ANO3: variants seen among roughly 807,000 people sequenced by gnomAD.
ANO3 encodes the protein anoctamin-3.
A neutral mutation model predicts 144.8 loss-of-function variants in ANO3; 99 were observed. That is an observed-to-expected ratio of 0.68 (90% CI 0.58 to 0.81). The LOEUF (loss-of-function observed/expected upper bound fraction) is 0.81. Among genes scored for constraint, ANO3 ranks in the 30% least tolerant of loss-of-function variants. The pLI, the probability that ANO3 is intolerant of heterozygous loss-of-function variation, is 0.00. For missense variants in ANO3, 905 were observed against 1,202.2 expected (o/e 0.75, Z 3.66); for synonymous variants, 414 against 392.6 (o/e 1.05, Z -0.64).
At chr11:26,298,101 A>G (rs1449298951) in intron 1 of ANO3, among the ~76,000 whole-genome samples, 2 of 152,238 alleles carry the variant, frequency 1.3e-5, no homozygotes, top group Non-Finnish European at 2.9e-5. Flanking sequence ...TTTGAGAAAT[A>G]GAATACTAGA....
chr11:26,537,283 G>A (rs570598849), intron 9 of ANO3, 123 bp from the exon 10 acceptor site: 2 of 754,246 alleles, frequency 2.7e-6, no homozygotes, highest in Non-Finnish European at 2.3e-6. Context: ...ATGTGGCTAT[G>A]GAAGTCATTT....
chr11:26,623,591 C>G (rs1485457390), intron 17 of ANO3, among the ~76,000 whole-genome samples: 1 of 152,092 alleles, frequency 6.6e-6, no homozygotes, highest in Admixed American at 6.5e-5. Context: ...ACAGATTCAA[C>G]AGATTTGACT....
intron 1 of ANO3, among the ~76,000 whole-genome samples, chr11:26,272,062 T>C (rs1192055968): frequency 2.0e-5 from 3 of 152,098 alleles, no homozygotes; most frequent in Non-Finnish European, 2.9e-5. Context: ...GAAAATGCCA[T>C]GTGATGCTAA....
intron 14 of ANO3, among the ~76,000 whole-genome samples, chr11:26,578,959 A>G (rs1163472012): frequency 6.6e-6 from 1 of 152,204 alleles, no homozygotes. Flanking sequence ...GTACTGTTAT[A>G]GCAGCTTTAT....
intron 1 of ANO3, among the ~76,000 whole-genome samples, chr11:26,386,394 T>A (rs1856733306): frequency 6.6e-6 from 1 of 152,138 alleles, no homozygotes; most frequent in Admixed American, 6.6e-5. Context: ...ATGTGGAAGT[T>A]TCAATGGAGG....
chr11:26,536,603 A>G (rs1383797682), intron 9 of ANO3, among the ~76,000 whole-genome samples: 1 of 152,014 alleles, frequency 6.6e-6, no homozygotes, highest in Non-Finnish European at 1.5e-5. Flanking sequence ...CTTAGCGTTT[A>G]TAATTTTCAG....
chr11:26,225,500 C>T (rs1318826), intron 1 of ANO3, among the ~76,000 whole-genome samples: 45,939 of 151,870 alleles, frequency 0.3, 7,687 homozygotes, highest in Non-Finnish European at 0.37. Context: ...TTCATGCTCT[C>T]TACTAGCCTC....
chr11:26,656,105 A>C lies in ANO3; in HGVS notation c.2577-20A>C. 1 of 1,571,972 alleles carries C rather than the reference A, an allele frequency of 6.4e-7. No homozygotes were observed. Among genetic ancestry groups the C allele is most frequent in the Non-Finnish European group, 8.7e-7 (1 of 1,144,340 alleles). On this transcript the variant is annotated intron_variant, in intron 24 of 26. Transcript: ENST00000256737. ...AACGTATGAATCTTTGAATCACATG[A>C]TATTTTTCTTTTCTCCCAGTTGCTT...
At position 26,647,703 on chromosome 11, in the gene ANO3, T is replaced by TA. The variant is rs1565164800; in HGVS notation, c.2429-5dup. 6.3e-7 allele frequency: 1 copy of TA among 1,597,610 alleles called. No individual in the cohort carries two copies. The highest frequency in any genetic ancestry group is 1.1e-5 in the South Asian group (1 of 88,628). On this transcript the variant is annotated splice_polypyrimidine_tract_variant and splice_region_variant and intron_variant, in intron 23 of 26. Coordinates refer to ENST00000256737, the MANE Select transcript of ANO3 (RefSeq NM_031418.4). ...TGTTCACCATGATTAATCTTTCTCT[T>TA]ACCAGGTATCTGGCTTGGAATTCTC...
chr11:26,236,817 CAAAAA>C (rs55979503), intron 1 of ANO3, among the ~76,000 whole-genome samples: 2 of 86,750 alleles, frequency 2.3e-5, no homozygotes. Flanking sequence ...GACTCCGTCT[CAAAAA>C]AAAAAAAAAA....
intron 1 of ANO3, among the ~76,000 whole-genome samples, chr11:26,374,564 A>T (rs1365046967): frequency 6.6e-6 from 1 of 152,196 alleles, no homozygotes; most frequent in African/African-American, 2.4e-5. Flanking sequence ...CATTTTAATT[A>T]TATACTTTTT....
rs539521617 is a variant in ANO3 at position 26,392,750 on chromosome 11, C to T, written c.47-49168C>T. Among the ~76,000 whole-genome samples the T allele has an allele frequency of 7.2e-5, 11 of 151,980 alleles. No homozygotes were observed. In the East Asian group the frequency reaches 7.7e-4, roughly 11 times the overall value. Reference sequence around the variant, plus strand: ...AGAGAGAATGAAAGAGAGAGAATAACGGGATTAATTGAAAAGATTATGTGG... The same window carrying T: ...AGAGAGAATGAAAGAGAGAGAATAATGGGATTAATTGAAAAGATTATGTGG... On this transcript the variant is annotated intron_variant, in intron 1 of 26. Coordinates refer to ENST00000256737, the MANE Select transcript of ANO3 (RefSeq NM_031418.4).
intron 1 of ANO3, among the ~76,000 whole-genome samples, chr11:26,215,159 C>T (rs1852012389): frequency 6.6e-6 from 1 of 151,830 alleles, no homozygotes; most frequent in Admixed American, 6.6e-5. Flanking sequence ...CCATACTGTA[C>T]TCTTTAGAAG....
chr11:26,319,569 C>T (rs1047841094), intron 1 of ANO3, among the ~76,000 whole-genome samples: 1 of 152,208 alleles, frequency 6.6e-6, no homozygotes. Context: ...ATGGCATAGA[C>T]ATCCAGGAGA....
Position 26,546,062 on chromosome 11 carries a change from G to C in ANO3, c.1155-1354G>C, listed in dbSNP as rs192557895. On this transcript the variant is annotated intron_variant, in intron 11 of 26. Coordinates refer to ENST00000256737, the MANE Select transcript of ANO3 (RefSeq NM_031418.4). ...TAATACTGTCTATATCAGCTGATTT[G>C]TCTGTGCAACCCTCTGTCACCAAAA... Among the ~76,000 whole-genome samples the C allele has an allele frequency of 2.3e-3, 349 of 151,838 alleles. 1 individual carries two copies. The highest frequency in any genetic ancestry group is 4.1e-3 in the Non-Finnish European group (277 of 67,902).
chr11:26,338,585 A>G (rs534701235), intron 1 of ANO3, among the ~76,000 whole-genome samples: 5 of 152,306 alleles, frequency 3.3e-5, no homozygotes, highest in South Asian at 4.1e-4. Context: ...TTCGCTTTTT[A>G]TAATAAATCT....
intron 5 of ANO3, among the ~76,000 whole-genome samples, chr11:26,513,753 T>C (rs1861756507): frequency 6.6e-6 from 1 of 152,120 alleles, no homozygotes; most frequent in African/African-American, 2.4e-5. Flanking sequence ...TTAGGAAGAA[T>C]ACAAATGATC....
At chr11:26,515,362 G>A (rs1861822853) in intron 5 of ANO3, among the ~76,000 whole-genome samples, 1 of 150,566 alleles carries the variant, frequency 6.6e-6, no homozygotes, top group South Asian at 2.1e-4. Flanking sequence ...GCAAATGCAT[G>A]CATATTAAAG....
intron 1 of ANO3, among the ~76,000 whole-genome samples, chr11:26,318,962 G>A (rs1403136715): frequency 6.6e-6 from 1 of 151,888 alleles, no homozygotes; most frequent in Non-Finnish European, 1.5e-5. Context: ...ATATATAGTT[G>A]TTTTCTTCCC....
Sources: gnomAD v4.1 joint callset for allele counts (sites outside exome capture counted in the v4.1 genomes callset) on GRCh38, gnomAD v4.1.1 for gene constraint, MANE v1.5 for transcripts, NCBI Gene and HGNC (gene_info 2026-07-23, HGNC 2026-07-21) for gene names.